The following NDUFAF7 variants were observed in gnomAD, a reference collection of about 807,000 sequenced individuals.
The protein encoded by NDUFAF7 is protein arginine methyltransferase NDUFAF7, mitochondrial.
NDUFAF7 carries 48 observed loss-of-function variants against 47.2 expected under a neutral mutation model. The ratio of observed to expected loss-of-function variants is 1.02; its 90% CI spans 0.81 to 1.29. The LOEUF is 1.29. Ranked by LOEUF, NDUFAF7 falls within the 50% of genes most tolerant of loss-of-function variation. The pLI is 0.00. For missense variants in NDUFAF7, 635 were observed against 537.6 expected, an observed-to-expected ratio of 1.18 and a Z score of -1.79; for synonymous variants, 217 against 190.0, an observed-to-expected ratio of 1.14 and a Z score of -1.17.
At chr2:37,266,538 G>C in the NDUFAF7 span, among the ~76,000 whole-genome samples, 2 of 151,828 alleles carry the variant, frequency 1.3e-5, no homozygotes, top group Middle Eastern at 6.8e-3. Context: ...CCAGGCTGGA[G>C]TGCAATGGCA....
At chr2:37,261,689 A>G in the NDUFAF7 span, among the ~76,000 whole-genome samples, 2 of 152,208 alleles carry the variant, frequency 1.3e-5, no homozygotes, top group Non-Finnish European at 1.5e-5. Flanking sequence ...CTGAGGCAGG[A>G]GAATTGCTTG....
rs1376130529 is a variant in NDUFAF7 at position 37,246,203 on chromosome 2, TAA to T, written c.936+9_936+10del. 6.2e-7 allele frequency: 1 copy of T among 1,613,588 alleles called. No individual in the cohort carries two copies. The highest frequency in any genetic ancestry group is 1.1e-5 in the South Asian group (1 of 91,072). On this transcript the variant is annotated intron_variant, in intron 8 of 9. Transcript: ENST00000002125. ...AAGACAGATACCTTCAGAGTATGTATAATTCAGTAACATGATTTATCAGAATT... is the reference window on the plus strand; with the variant it reads ...AAGACAGATACCTTCAGAGTATGTATTTCAGTAACATGATTTATCAGAATT...
At chr2:37,243,547 G>A (rs1448454818) in intron 6 of NDUFAF7, among the ~76,000 whole-genome samples, 4 of 152,204 alleles carry the variant, frequency 2.6e-5, no homozygotes, top group African/African-American at 7.2e-5. Flanking sequence ...GAGGAGAAGA[G>A]CAGCTCTCAT....
chr2:37,256,642 T>G (rs756083627), downstream of NDUFAF7: 7 of 1,390,620 alleles, frequency 5.0e-6, no homozygotes, highest in Non-Finnish European at 6.5e-6. Flanking sequence ...TTTTTTTTTT[T>G]TTTTTTTTTT....
chr2:37,260,399 C>T, the NDUFAF7 span: 2 of 1,603,214 alleles, frequency 1.2e-6, no homozygotes, highest in East Asian at 2.2e-5. Flanking sequence ...AGAGAGGTTG[C>T]AAGATACATG....
the NDUFAF7 span, among the ~76,000 whole-genome samples, chr2:37,258,784 A>G: frequency 1.3e-5 from 2 of 152,230 alleles, no homozygotes; most frequent in African/African-American, 4.8e-5. Context: ...TTGAAAAGAC[A>G]ATTTGAGTTA....
At chr2:37,232,467 G>T (rs1261932574) in intron 2 of NDUFAF7, among the ~76,000 whole-genome samples, 1 of 152,228 alleles carries the variant, frequency 6.6e-6, no homozygotes, top group Non-Finnish European at 1.5e-5. Context: ...GTAAAGAGGA[G>T]AGGACACGGT....
the NDUFAF7 span, chr2:37,267,469 T>A: frequency 1.2e-6 from 2 of 1,610,792 alleles, no homozygotes; most frequent in Non-Finnish European, 1.7e-6. Context: ...GACTTTCTTG[T>A]TTTGTGGGGA....
rs561113806 is a variant in NDUFAF7 at position 37,243,344 on chromosome 2, A to G, written c.682-519A>G. 5.9e-5 allele frequency among the ~76,000 whole-genome samples: 9 copies of G among 152,192 alleles called. No homozygotes were observed. In the South Asian group the frequency reaches 1.4e-3, roughly 25 times the overall value. On this transcript the variant is annotated intron_variant, in intron 6 of 9. Transcript: ENST00000002125. ...CACGTGCCTGTACTTCCCAGCTACT[A>G]GGGAGGCTGAGGCATGAGAATCACT... is the stretch of plus-strand genomic sequence containing the variant.
the NDUFAF7 span, chr2:37,260,154 A>ACTC: frequency 7.2e-7 from 1 of 1,386,710 alleles, no homozygotes; most frequent in Non-Finnish European, 9.9e-7. Context: ...ACAGAGTAAG[A>ACTC]CTCTTGTCTT....
At chr2:37,254,375 A>T (rs572087598), downstream of NDUFAF7, 8 of 975,042 alleles carry the variant, frequency 8.2e-6, no homozygotes, top group Admixed American at 1.8e-5. Context: ...AGTTCAACCC[A>T]TAGAAATACA....
At chr2:37,241,904 C>T in intron 5 of NDUFAF7, 113 bp downstream of exon 5, 2 of 933,620 alleles carry the variant, frequency 2.1e-6, no homozygotes, top group Non-Finnish European at 3.2e-6. Context: ...CTGCCAAGTC[C>T]CTTATCCATA....
chr2:37,246,546 T>G (rs1666923103), intron 8 of NDUFAF7, among the ~76,000 whole-genome samples: 1 of 152,230 alleles, frequency 6.6e-6, no homozygotes, highest in Non-Finnish European at 1.5e-5. Flanking sequence ...TGGTACTTCT[T>G]TACAGATTTA....
chr2:37,256,593 G>A (rs1667959387), downstream of NDUFAF7: 7 of 1,419,158 alleles, frequency 4.9e-6, no homozygotes, highest in Non-Finnish European at 6.5e-6. Flanking sequence ...GATTTGGGAT[G>A]AGAAAGATGT....
rs567589528 is a variant in NDUFAF7 at position 37,241,750 on chromosome 2, T to A, written c.581T>A (p.Ile194Asn). ...ATGAAAGGTGTCACTAAGTCTGGGA[T>A]TCCAATTTCCTGGTACCGAGATCTG... ...VYMKGVTKSGIPISWYRDLHD... is the reference protein window; with the variant it reads ...VYMKGVTKSGNPISWYRDLHD... Residue 194 changes from isoleucine to asparagine, a missense_variant, in exon 5 of 10, where the codon ATT (isoleucine) becomes AAT (asparagine). By Grantham distance (149) the Ile-to-Asn change is moderately radical (BLOSUM62 -3). Coordinates refer to ENST00000002125, the MANE Select transcript of NDUFAF7 (RefSeq NM_144736.5). The A allele has an allele frequency of 5.9e-6, 9 of 1,515,254 alleles. No homozygotes were observed. In the East Asian group the frequency reaches 1.9e-4, roughly 32 times the overall value. 93.9% of individuals were successfully genotyped at this position (1,515,254 alleles called of 1,614,324 possible).
In NDUFAF7 at chr2:37,248,165, G is replaced by A; in HGVS notation, c.1141G>A (p.Val381Met). 6.2e-7 allele frequency: 1 copy of A among 1,613,952 alleles called. No homozygotes were observed. Among genetic ancestry groups the A allele is most frequent in the Non-Finnish European group, 8.5e-7 (1 of 1,179,884 alleles). ...TTTAGATAAATCAAATGAGCCATCA[G>A]TGAGGCAGCAGTTACTTCAAGGATA... ...VLLDKSNEPS[V>M]RQQLLQGYDM... The change falls in exon 10 of 10, where the codon GTG (valine) becomes ATG (methionine). Residue 381 changes from valine (V) to methionine (M), a missense_variant. Transcript: ENST00000002125.
rs1667145812 is a variant in NDUFAF7, at chr2:37,248,340, C to G, written c.1316C>G (p.Ala439Gly). Residue 439 changes from alanine (A) to glycine (G), a missense_variant, in exon 10 of 10, where the codon GCT becomes GGT. Transcript: ENST00000002125. ...ASVVAGFSEL[A>G]WQ ...GTTGTAGCTGGGTTTAGTGAACTTG[C>G]TTGGCAGTGATATTTCAGCTTGGAC... is the stretch of plus-strand genomic sequence containing the variant. The G allele has an allele frequency of 1.2e-6, 2 of 1,613,608 alleles. No individual in the cohort carries two copies. The highest frequency in any genetic ancestry group is 1.7e-6 in the Non-Finnish European group (2 of 1,179,532).
intron 7 of NDUFAF7, among the ~76,000 whole-genome samples, chr2:37,245,661 T>C (rs2110965): frequency 0.53 from 79,105 of 149,208 alleles, 22,108 homozygotes; most frequent in Admixed American, 0.7. Flanking sequence ...TTGACTGTTA[T>C]GTGCCTGGCA....
chr2:37,264,583 T>C, the NDUFAF7 span, among the ~76,000 whole-genome samples: 28 of 152,082 alleles, frequency 1.8e-4, no homozygotes, highest in Non-Finnish European at 4.4e-5. Context: ...GAAATGATAT[T>C]TGGGCAAAAT....
Sources: allele counts gnomAD v4.1 joint callset (sites outside exome capture counted in the v4.1 genomes callset), GRCh38; gene constraint gnomAD v4.1.1; transcripts MANE v1.5; gene names NCBI Gene and HGNC (gene_info 2026-07-23, HGNC 2026-07-21).